TMEM163: variants seen among roughly 807,000 people sequenced by gnomAD.
The protein encoded by TMEM163 is transmembrane protein 163.
In TMEM163, 17 loss-of-function variants were observed where a neutral mutation model predicts 29.3. The ratio of observed to expected loss-of-function variants is 0.58; its 90% CI spans 0.40 to 0.87. The LOEUF (loss-of-function observed/expected upper bound fraction) is 0.87, where lower values mean the gene tolerates loss of function less well. TMEM163 is among the 40% of genes least tolerant of loss of function. The pLI, the probability that TMEM163 is intolerant of heterozygous loss-of-function variation, is 0.00. For missense variants in TMEM163, 303 were observed against 381.5 expected, an observed-to-expected ratio of 0.79 and a Z score of 1.71; for synonymous variants, 157 against 160.6, an observed-to-expected ratio of 0.98 and a Z score of 0.17.
chr2:134,481,154 G>A (rs576035327), intron 5 of TMEM163, among the ~76,000 whole-genome samples: 6 of 152,120 alleles, frequency 3.9e-5, no homozygotes, highest in Non-Finnish European at 8.8e-5. Flanking sequence ...CATCCATCTT[G>A]TTGCAGACAT....
intron 2 of TMEM163, among the ~76,000 whole-genome samples, chr2:134,688,385 G>A (rs1368834244): frequency 6.6e-6 from 1 of 151,764 alleles, no homozygotes; most frequent in Non-Finnish European, 1.5e-5. Flanking sequence ...ACCTTGGTGG[G>A]TGTACCGAAT....
intron 2 of TMEM163, among the ~76,000 whole-genome samples, chr2:134,706,110 G>A (rs189145304): frequency 6.6e-6 from 1 of 152,328 alleles, no homozygotes; most frequent in East Asian, 1.9e-4. Context: ...CACTGTGAGC[G>A]GAGACTCAGG....
chr2:134,658,975 C>T (rs386466242), intron 2 of TMEM163, among the ~76,000 whole-genome samples: 108 of 152,284 alleles, frequency 7.1e-4, no homozygotes, highest in Non-Finnish European at 9.6e-4. Context: ...AACAGGGCTA[C>T]ATTCTGAGAA....
chr2:134,512,859 AC>A (rs1390017443), intron 4 of TMEM163, among the ~76,000 whole-genome samples: 3 of 152,216 alleles, frequency 2.0e-5, no homozygotes, highest in Admixed American at 6.5e-5. Flanking sequence ...ACCACTGTTC[AC>A]CAAGGGCAGA....
chr2:134,572,939 CAG>C (rs1375953171), intron 2 of TMEM163, among the ~76,000 whole-genome samples: 7 of 152,162 alleles, frequency 4.6e-5, no homozygotes, highest in Non-Finnish European at 1.0e-4. Flanking sequence ...TGCAGTTACC[CAG>C]AAGTACAACA....
At chr2:134,592,123 TAA>T in intron 2 of TMEM163, among the ~76,000 whole-genome samples, 1 of 152,324 alleles carries the variant, frequency 6.6e-6, no homozygotes, top group South Asian at 2.1e-4. Flanking sequence ...TTTAAAAAGT[TAA>T]GTTTGTCTGA....
At chr2:134,647,811 C>A (rs1683367033) in intron 2 of TMEM163, among the ~76,000 whole-genome samples, 1 of 152,228 alleles carries the variant, frequency 6.6e-6, no homozygotes, top group Non-Finnish European at 1.5e-5. Flanking sequence ...CCACCCCTCA[C>A]AGAGCGGGGA....
intron 4 of TMEM163, among the ~76,000 whole-genome samples, chr2:134,506,222 A>G (rs1352174091): frequency 2.6e-5 from 4 of 152,240 alleles, no homozygotes; most frequent in Non-Finnish European, 5.9e-5. Context: ...ACTCATTTGC[A>G]TCTTTTAAAT....
chr2:134,718,694 C>T (rs901688478), intron 1 of TMEM163, 40 bp downstream of exon 1: 2 of 1,128,470 alleles, frequency 1.8e-6, no homozygotes, highest in Non-Finnish European at 2.2e-6. Flanking sequence ...CCCCGAGCAG[C>T]CACCCCGGTC....
intron 2 of TMEM163, among the ~76,000 whole-genome samples, chr2:134,664,185 C>T (rs933272640): frequency 2.0e-4 from 30 of 152,230 alleles, no homozygotes; most frequent in South Asian, 2.1e-4. Context: ...TTCTTGTTGC[C>T]ACTTCATATC....
intron 2 of TMEM163, among the ~76,000 whole-genome samples, chr2:134,615,720 A>G (rs1411875467): frequency 1.4e-5 from 2 of 144,956 alleles, no homozygotes; most frequent in South Asian, 4.4e-4. Flanking sequence ...GCAGTGGCGC[A>G]ATCTCGGCTC....
At chr2:134,561,586 C>T (rs566608649) in intron 2 of TMEM163, among the ~76,000 whole-genome samples, 5 of 152,254 alleles carry the variant, frequency 3.3e-5, no homozygotes, top group South Asian at 4.2e-4. Flanking sequence ...CCTGACCTCG[C>T]GATCCGCCTG....
At chr2:134,541,551 C>A (rs1057132318) in intron 4 of TMEM163, among the ~76,000 whole-genome samples, 1 of 152,180 alleles carries the variant, frequency 6.6e-6, no homozygotes, top group African/African-American at 2.4e-5. Context: ...AACCTTAAGG[C>A]ATTGGAAATA....
intron 4 of TMEM163, among the ~76,000 whole-genome samples, chr2:134,506,749 A>G (rs1432072986): frequency 6.6e-6 from 1 of 152,228 alleles, no homozygotes; most frequent in Non-Finnish European, 1.5e-5. Flanking sequence ...TTGAGTCAGG[A>G]GCAAACAGTG....
At chr2:134,507,356 A>ATAAC (rs1025007892) in intron 4 of TMEM163, among the ~76,000 whole-genome samples, 3 of 151,518 alleles carry the variant, frequency 2.0e-5, no homozygotes, top group Admixed American at 6.6e-5. Flanking sequence ...AAATAAATAA[A>ATAAC]TAAATAAATA....
chr2:134,463,730 C>T (rs913800685), intron 6 of TMEM163, among the ~76,000 whole-genome samples: 3 of 152,218 alleles, frequency 2.0e-5, no homozygotes, highest in Admixed American at 1.3e-4. Flanking sequence ...GGATGCCTCA[C>T]AGCAATAAGG....
At chr2:134,476,884 C>T (rs1686929229) in intron 5 of TMEM163, among the ~76,000 whole-genome samples, 1 of 152,196 alleles carries the variant, frequency 6.6e-6, no homozygotes, top group South Asian at 2.1e-4. Context: ...TCATCACTGC[C>T]ATGCCTCATG....
At position 134,668,721 on chromosome 2, in the gene TMEM163, G is replaced by C. The variant is rs531546904; in HGVS notation, c.322+44479C>G. On this transcript the variant is annotated intron_variant, in intron 2 of 7. Coordinates refer to ENST00000281924, the MANE Select transcript of TMEM163 (RefSeq NM_030923.5). ...TGGGTGAATACATAGTAAGCACATA[G>C]TTAACTGAATATATCTTAAATAAAT... Among the ~76,000 whole-genome samples the C allele has an allele frequency of 4.6e-5, 7 of 151,950 alleles. No homozygotes were observed. In the East Asian group the frequency reaches 1.4e-3, roughly 29 times the overall value.
At position 134,701,134 on chromosome 2, in the gene TMEM163, A is replaced by C. The variant is rs1189116839; in HGVS notation, c.322+12066T>G. On this transcript the variant is annotated intron_variant, in intron 2 of 7. Coordinates refer to ENST00000281924, the MANE Select transcript of TMEM163 (RefSeq NM_030923.5). The stretch of plus-strand genomic sequence containing the variant: ...ACTAAACATGTTGTTTTGGTACTCC[A>C]AAGTAAATTCAAAACAAATTAAAAA... Among the ~76,000 whole-genome samples the C allele has an allele frequency of 9.2e-5, 14 of 152,014 alleles. 1 individual carries two copies. In the East Asian group the frequency reaches 2.7e-3, roughly 29 times the overall value.
Sources: gnomAD v4.1 joint callset for allele counts (sites outside exome capture counted in the v4.1 genomes callset) on GRCh38, gnomAD v4.1.1 for gene constraint, MANE v1.5 for transcripts, NCBI Gene and HGNC (gene_info 2026-07-23, HGNC 2026-07-21) for gene names.